The following RAD54L2 variants were observed in gnomAD, a reference collection of about 807,000 sequenced individuals.
RAD54L2 encodes RAD54 like 2.
Under a neutral mutation model 138.4 loss-of-function variants are expected in RAD54L2, and 27 were observed. That is an observed-to-expected ratio of 0.20 (90% CI 0.14 to 0.27). The LOEUF (loss-of-function observed/expected upper bound fraction) is 0.27, where lower values mean the gene tolerates loss of function less well. Among genes scored for constraint, RAD54L2 ranks in the 10% least tolerant of loss-of-function variants. RAD54L2 has a pLI of 1.00. For missense variants in RAD54L2, 1,396 were observed against 1,890.2 expected (o/e 0.74, Z 4.85); for synonymous variants, 644 against 723.2 (o/e 0.89, Z 1.76).
rs568844679 is a variant in RAD54L2, at chr3:51,586,026, G to A, written c.-54-4341G>A. 4.6e-5 allele frequency among the ~76,000 whole-genome samples: 7 copies of A among 151,578 alleles called. No individual in the cohort carries two copies. The South Asian group carries it at 6.3e-4, about 14-fold the overall frequency. ...TCTTTATCACCACCCCGCCCCCACC[G>A]CCACCAACCATGTCTGTCTAACAGT... is the stretch of plus-strand genomic sequence containing the variant. On this transcript the variant is annotated intron_variant, in intron 2 of 22. Coordinates refer to ENST00000684192, the MANE Select transcript of RAD54L2 (RefSeq NM_015106.4).
intron 22 of RAD54L2, among the ~76,000 whole-genome samples, chr3:51,660,602 C>T (rs1168425583): frequency 6.7e-5 from 10 of 149,462 alleles, no homozygotes; most frequent in East Asian, 2.0e-4. Flanking sequence ...TGAGCCACCG[C>T]GCCCAGCCTT....
chr3:51,653,696 C>T (rs372866508), intron 19 of RAD54L2, among the ~76,000 whole-genome samples: 1 of 152,114 alleles, frequency 6.6e-6, no homozygotes, highest in African/African-American at 2.4e-5. Flanking sequence ...AAACCAAACA[C>T]TGCATGTTCT....
At position 51,662,412 on chromosome 3, in the gene RAD54L2, C is replaced by T. The variant is rs960848736; in HGVS notation, c.3410-14C>T. 3 of 1,503,818 alleles carry T rather than the reference C, an allele frequency of 2.0e-6. No individual in the cohort carries two copies. In the African/African-American group the frequency reaches 4.2e-5, roughly 21 times the overall value. The allele number at this position is 1,503,818 out of a possible 1,614,324, so 93.2% of individuals were successfully genotyped here. On this transcript the variant is annotated splice_polypyrimidine_tract_variant and intron_variant, in intron 22 of 22. Transcript: ENST00000684192. The surrounding 1 kb of genome is among the most constrained non-coding windows in gnomAD (Gnocchi z 4.6). ...GGCCACTCTGATTCTCAGTTAACTACATTTTGTCCCCAGGTTCCCAGGGAC... is the reference window on the plus strand; with the variant it reads ...GGCCACTCTGATTCTCAGTTAACTATATTTTGTCCCCAGGTTCCCAGGGAC...
chr3:51,668,645 TAAAA>T lies in RAD54L2; in HGVS notation c.*5226_*5229del, dbSNP rs1242393070. ...TTTCTTTATTTCTCTTTTTGTAAAATAAAATTTAAACTCAAGAAGGCAGTGTTGT... is the reference window on the plus strand; with the variant it reads ...TTTCTTTATTTCTCTTTTTGTAAAATTTTAAACTCAAGAAGGCAGTGTTGT... On this transcript the variant is annotated 3_prime_UTR_variant, in exon 23 of 23. Transcript: ENST00000684192. 6.6e-6 allele frequency: 1 copy of T among 152,214 alleles called. No individual in the cohort carries two copies. The highest frequency in any genetic ancestry group is 1.9e-4 in the East Asian group (1 of 5,200). The allele number at this position is 152,214 out of a possible 1,614,324, so 9.4% of individuals were successfully genotyped here.
chr3:51,597,252 T>C (rs1699984548), intron 3 of RAD54L2, among the ~76,000 whole-genome samples: 1 of 149,020 alleles, frequency 6.7e-6, no homozygotes, highest in Non-Finnish European at 1.5e-5. Context: ...GGTCAGAAAC[T>C]ACAGACATAA....
chr3:51,634,087 G>A (rs373159206), intron 9 of RAD54L2, 52 bp downstream of exon 9: 15 of 1,579,788 alleles, frequency 9.5e-6, no homozygotes, highest in East Asian at 6.7e-5. Flanking sequence ...ACTTCTGTCC[G>A]TGATCTGATG....
intron 2 of RAD54L2, among the ~76,000 whole-genome samples, chr3:51,582,166 C>T (rs1699620206): frequency 6.6e-6 from 1 of 152,050 alleles, no homozygotes. Context: ...CTTGGCTTCT[C>T]AAAAGTCCTG....
At position 51,623,997 on chromosome 3, in the gene RAD54L2, AAAAAG is replaced by A. The variant is rs1700623467; in HGVS notation, c.140-3553_140-3549del. On this transcript the variant is annotated intron_variant, in intron 3 of 22. Transcript: ENST00000684192. ...CCGTCTCACAAAAAAAAAAAAAAAA[AAAAAG>A]AATTTAGGGGAGCAAAAATTCTCAT... 2.0e-5 allele frequency among the ~76,000 whole-genome samples: 3 copies of A among 151,404 alleles called. No individual in the cohort carries two copies. The South Asian group carries it at 6.2e-4, about 31-fold the overall frequency.
chr3:51,647,145 AT>A (rs1159383059), intron 19 of RAD54L2, among the ~76,000 whole-genome samples: 1 of 152,034 alleles, frequency 6.6e-6, no homozygotes, highest in Non-Finnish European at 1.5e-5. Flanking sequence ...TGCATTTTTA[AT>A]TATTTGATTA....
intron 2 of RAD54L2, among the ~76,000 whole-genome samples, chr3:51,578,186 T>C (rs1467966300): frequency 6.8e-6 from 1 of 146,434 alleles, no homozygotes; most frequent in Non-Finnish European, 1.5e-5. Flanking sequence ...GATCCCTCAT[T>C]ACAGTTAGTC....
chr3:51,541,359 A>T (rs1698544036), intron 1 of RAD54L2: 1 of 152,220 alleles, frequency 6.6e-6, no homozygotes, highest in Non-Finnish European at 1.5e-5. Context: ...CTGTGAGTTC[A>T]TGCTGGTATG....
intron 3 of RAD54L2, among the ~76,000 whole-genome samples, chr3:51,604,006 A>G (rs1700128849): frequency 6.6e-6 from 1 of 152,246 alleles, no homozygotes; most frequent in Non-Finnish European, 1.5e-5. Context: ...GAAACCAGCT[A>G]GGAAGATAAT....
intron 19 of RAD54L2, among the ~76,000 whole-genome samples, chr3:51,647,568 C>T (rs1253034079): frequency 1.3e-5 from 2 of 152,090 alleles, no homozygotes; most frequent in Non-Finnish European, 2.9e-5. Flanking sequence ...ACTCGGGAGG[C>T]TGAGGCAGGA....
chr3:51,595,168 T>TG (rs1699934216), intron 3 of RAD54L2, among the ~76,000 whole-genome samples: 1 of 152,080 alleles, frequency 6.6e-6, no homozygotes, highest in Admixed American at 6.6e-5. Flanking sequence ...GCCTGGCCGA[T>TG]GGGCCCTTTT....
chr3:51,660,308 T>G (rs973966298), intron 22 of RAD54L2, among the ~76,000 whole-genome samples, 190 bp downstream of exon 22: 5 of 151,878 alleles, frequency 3.3e-5, no homozygotes, highest in Non-Finnish European at 5.9e-5. Flanking sequence ...TGTTTGTTTG[T>G]TTGGTTTATT....
At chr3:51,570,439 G>A (rs899179036) in intron 2 of RAD54L2, among the ~76,000 whole-genome samples, 5 of 144,858 alleles carry the variant, frequency 3.5e-5, no homozygotes, top group African/African-American at 7.7e-5. Context: ...CACTGCACCC[G>A]GCCCTCTTTT....
intron 2 of RAD54L2, among the ~76,000 whole-genome samples, chr3:51,574,668 C>T (rs950623172): frequency 1.4e-4 from 21 of 152,086 alleles, no homozygotes; most frequent in East Asian, 1.9e-4. Flanking sequence ...CTGTTCATAT[C>T]CTTTAACCAC....
intron 3 of RAD54L2, among the ~76,000 whole-genome samples, chr3:51,626,504 G>T (rs1404447042): frequency 7.3e-6 from 1 of 136,252 alleles, no homozygotes; most frequent in Non-Finnish European, 1.5e-5. Flanking sequence ...GAGTGCAATG[G>T]TGTGATCTTG....
At chr3:51,579,738 A>G (rs1043587025) in intron 2 of RAD54L2, among the ~76,000 whole-genome samples, 1 of 152,220 alleles carries the variant, frequency 6.6e-6, no homozygotes, top group African/African-American at 2.4e-5. Flanking sequence ...GCTATATCAC[A>G]GGCAAACAAA....
Sources: allele counts gnomAD v4.1 joint callset (sites outside exome capture counted in the v4.1 genomes callset), GRCh38; gene constraint gnomAD v4.1.1; non-coding constraint Gnocchi (gnomAD v3.1); transcripts MANE v1.5; gene names NCBI Gene and HGNC (gene_info 2026-07-23, HGNC 2026-07-21).